The following DNAJC19 variants were observed in gnomAD, a reference collection of about 807,000 sequenced individuals.
DNAJC19 encodes mitochondrial import inner membrane translocase subunit TIM14.
In DNAJC19, 15 loss-of-function variants were observed where a neutral mutation model predicts 19.8. The observed-to-expected ratio is 0.76, with a 90% CI of 0.51 to 1.17. The LOEUF is 1.17. Among genes scored for constraint, DNAJC19 ranks in the 50% most tolerant of loss-of-function variants. DNAJC19 has a pLI of 0.00. For synonymous variants in DNAJC19, 38 were observed against 42.1 expected (o/e 0.90, Z 0.38); for missense variants, 105 against 140.9 (o/e 0.75, Z 1.29).
Position 180,988,128 on chromosome 3 carries a change from A to G in DNAJC19, c.56-32T>C, listed in dbSNP as rs79826930. 8.4e-5 allele frequency: 135 copies of G among 1,614,180 alleles called. 1 individual carries two copies. In the African/African-American group the frequency reaches 1.3e-3, roughly 16 times the overall value. On this transcript the variant is annotated intron_variant, in intron 2 of 5. Transcript: ENST00000382564. ...CCAAAAGCAACAGAATAAGTAAACTAAATCTCCAATCTCCCCGACTTCACT... is the reference window on the plus strand; with the variant it reads ...CCAAAAGCAACAGAATAAGTAAACTGAATCTCCAATCTCCCCGACTTCACT...
rs957179112 is a variant in DNAJC19 at position 180,986,573 on chromosome 3, C to G, written c.209+370G>C. ...CTGGGATTACAGACGTGAGTCACCG[C>G]GCCCGGTTGAAGGCAGAATTTCACC... On this transcript the variant is annotated intron_variant, in intron 4 of 5. Transcript: ENST00000382564. 2.9e-5 allele frequency: 6 copies of G among 210,488 alleles called. No homozygotes were observed. The East Asian group carries it at 7.1e-4, about 25-fold the overall frequency. The allele number at this position is 210,488 out of a possible 1,614,324, so 13.0% of individuals were successfully genotyped here.
At chr3:180,985,775 A>AGT in intron 5 of DNAJC19, 151 bp downstream of exon 5, 1 of 685,782 alleles carries the variant, frequency 1.5e-6, no homozygotes, top group Non-Finnish European at 2.5e-6. Context: ...ATTTCTTTTA[A>AGT]GACACCAAAA....
chr3:180,987,813 A>T, intron 3 of DNAJC19: 1 of 621,080 alleles, frequency 1.6e-6, no homozygotes, highest in East Asian at 2.9e-5. Context: ...TAGAATTGTC[A>T]AAACCCCATC....
intron 1 of DNAJC19, among the ~76,000 whole-genome samples, chr3:180,988,809 T>C (rs1365851237): frequency 6.6e-6 from 1 of 150,802 alleles, no homozygotes. Context: ...GAGACCATCC[T>C]GGCTACCATG....
chr3:180,989,688 A>T lies in DNAJC19; in HGVS notation c.-86T>A, dbSNP rs527471494. The stretch of plus-strand genomic sequence containing the variant: ...CGGCCAACACCTGCACGCCTTTACC[A>T]GAGAGCGACGCAACCCCCAACCTCA... On this transcript the variant is annotated 5_prime_UTR_variant, in exon 1 of 6. Coordinates refer to ENST00000382564, the MANE Select transcript of DNAJC19 (RefSeq NM_145261.4). 2 of 1,550,890 alleles carry T rather than the reference A, an allele frequency of 1.3e-6. No homozygotes were observed. Among genetic ancestry groups the T allele is most frequent in the Non-Finnish European group, 1.7e-6 (2 of 1,148,144 alleles).
chr3:180,989,392 C>T, intron 1 of DNAJC19: 1 of 1,435,794 alleles, frequency 7.0e-7, no homozygotes, highest in South Asian at 1.5e-5. Flanking sequence ...AGCTGGAGAA[C>T]CGTGCAGAAA....
intron 3 of DNAJC19, 179 bp from the exon 4 acceptor site, chr3:180,987,201 GTA>G: frequency 1.6e-6 from 1 of 629,460 alleles, no homozygotes; most frequent in Non-Finnish European, 2.8e-6. Flanking sequence ...GCAACAAGTA[GTA>G]TTTTAATGAT....
At chr3:180,987,394 T>C in intron 3 of DNAJC19, 1 of 293,196 alleles carries the variant, frequency 3.4e-6, no homozygotes, top group East Asian at 8.7e-5. Flanking sequence ...AGACAAGAGG[T>C]TCAAGTGTAT....
chr3:180,989,568 G>C lies in DNAJC19; in HGVS notation c.3+32C>G. On this transcript the variant is annotated intron_variant, in intron 1 of 5. Coordinates refer to ENST00000382564, the MANE Select transcript of DNAJC19 (RefSeq NM_145261.4). ...AGCTGAGGTTGAGGCCTGGGCCGGA[G>C]GTCGCCAAGAAGACCGGAAGGCCGC... is the stretch of plus-strand genomic sequence containing the variant. The C allele has an allele frequency of 1.9e-6, 3 of 1,571,324 alleles. No homozygotes were observed. In the South Asian group the frequency reaches 3.5e-5, roughly 18 times the overall value.
Position 180,986,952 on chromosome 3 carries a change from A to G in DNAJC19, c.200T>C (p.Leu67Pro). ...TTAGAGATTATTTTACCTTACACCT[A>G]GTATTAATGCTGCTTCCCGTTTTGT... ...KMTKREAALI[L>P]GVSPTANKGK... is the part of the protein sequence containing the mutation. Residue 67 changes from leucine to proline, a missense_variant, in exon 4 of 6, where the codon CTA (leucine) becomes CCA (proline). Leu to Pro is a moderately conservative substitution (Grantham distance 98, BLOSUM62 -3). Coordinates refer to ENST00000382564, the MANE Select transcript of DNAJC19 (RefSeq NM_145261.4). 6.2e-7 allele frequency: 1 copy of G among 1,613,272 alleles called. No homozygotes were observed. Among genetic ancestry groups the G allele is most frequent in the Non-Finnish European group, 8.5e-7 (1 of 1,179,268 alleles).
chr3:180,986,820 T>A lies in DNAJC19; in HGVS notation c.209+123A>T, dbSNP rs1020120604. ...GTTTCATTGATTAGAATTGGTAATA[T>A]CAATCTTCCTAGGACAAAATCCCCC... On this transcript the variant is annotated intron_variant, in intron 4 of 5. Transcript: ENST00000382564. 24 of 805,160 alleles carry A rather than the reference T, an allele frequency of 3.0e-5. 1 individual carries two copies. The highest frequency in any genetic ancestry group is 6.8e-5 in the African/African-American group (4 of 58,526). The allele number at this position is 805,160 out of a possible 1,614,324, so 49.9% of individuals were successfully genotyped here.
upstream of DNAJC19, chr3:180,989,824 G>C: frequency 1.3e-6 from 1 of 767,240 alleles, no homozygotes; most frequent in South Asian, 1.5e-5. Flanking sequence ...TGGACAGAGC[G>C]GAGAAAGCGA....
At chr3:180,985,725 CACTT>C in intron 5 of DNAJC19, 197 bp downstream of exon 5, 1 of 568,454 alleles carries the variant, frequency 1.8e-6, no homozygotes, top group Non-Finnish European at 3.1e-6. Context: ...GTAATAGTAG[CACTT>C]ACATCTGCTC....
At chr3:180,987,133 T>G (rs1471810590) in intron 3 of DNAJC19, 111 bp from the exon 4 acceptor site, 1 of 926,128 alleles carries the variant, frequency 1.1e-6, no homozygotes, top group Admixed American at 2.1e-5. Flanking sequence ...TTCAGAGGAC[T>G]TTTAGTGCAA....
At chr3:180,989,745 C>G (rs781368256), upstream of DNAJC19, 1 of 1,359,598 alleles carries the variant, frequency 7.4e-7, no homozygotes. Context: ...ACGGCAGGAG[C>G]AGCCGCAAAC....
intron 5 of DNAJC19, chr3:180,985,659 C>A: frequency 2.5e-6 from 1 of 393,924 alleles, no homozygotes; most frequent in Admixed American, 4.0e-5. Context: ...TTTAGTTTTA[C>A]GAAATTTAAC....
In DNAJC19 at chr3:180,983,760, CAAATT is replaced by C; in HGVS notation, c.*875_*879del. 4.4e-6 allele frequency: 2 copies of C among 450,050 alleles called. No individual in the cohort carries two copies. The highest frequency in any genetic ancestry group is 8.9e-6 in the Non-Finnish European group (2 of 225,178). The allele number at this position is 450,050 out of a possible 1,614,324, so 27.9% of individuals were successfully genotyped here. A position where few individuals can be genotyped will look rare whatever the true frequency, so the allele number is the denominator to read the frequency against. ...ATTAGTGTATAAATTCTAAAGAGTC[CAAATT>C]AAATATGTTGATATTGAGAACATTT... On this transcript the variant is annotated 3_prime_UTR_variant, in exon 6 of 6. Transcript: ENST00000382564.
Position 180,989,675 on chromosome 3 carries a change from G to A in DNAJC19, c.-73C>T, listed in dbSNP as rs1247111721. On this transcript the variant is annotated 5_prime_UTR_variant, in exon 1 of 6. Transcript: ENST00000382564. ...AGCTCAGAGGCCGCGGCCAACACCTGCACGCCTTTACCAGAGAGCGACGCA... is the reference window on the plus strand; with the variant it reads ...AGCTCAGAGGCCGCGGCCAACACCTACACGCCTTTACCAGAGAGCGACGCA... 5.1e-6 allele frequency: 8 copies of A among 1,558,756 alleles called. No homozygotes were observed. The East Asian group carries it at 1.9e-4, about 37-fold the overall frequency.
In DNAJC19 at chr3:180,984,498, A is replaced by G; in HGVS notation, c.*142T>C. ...TCTGATTTAAAATCCCCAAATTTAA[A>G]CAAGAAAATTATACCAAGGCTTTGA... is the stretch of plus-strand genomic sequence containing the variant. On this transcript the variant is annotated 3_prime_UTR_variant, in exon 6 of 6. Coordinates refer to ENST00000382564, the MANE Select transcript of DNAJC19 (RefSeq NM_145261.4). The G allele has an allele frequency of 1.4e-6, 1 of 692,128 alleles. No individual in the cohort carries two copies. The highest frequency in any genetic ancestry group is 2.6e-6 in the Non-Finnish European group (1 of 382,566). The allele number at this position is 692,128 out of a possible 1,614,324, so 42.9% of individuals were successfully genotyped here.
Sources: gnomAD v4.1 joint callset for allele counts (sites outside exome capture counted in the v4.1 genomes callset) on GRCh38, gnomAD v4.1.1 for gene constraint, MANE v1.5 for transcripts, NCBI Gene and HGNC (gene_info 2026-07-23, HGNC 2026-07-21) for gene names.